The following COMMD1 variants were observed in gnomAD, a reference collection of about 807,000 sequenced individuals.
COMMD1 encodes the protein COMM domain-containing protein 1.
In COMMD1, 10 loss-of-function variants were observed where a neutral mutation model predicts 17.2. The observed-to-expected ratio is 0.58, with a 90% CI of 0.36 to 0.99. COMMD1 has a LOEUF of 0.99. Ranked by LOEUF, COMMD1 falls within the 50% of genes least tolerant of loss-of-function variation. The pLI is 0.01. For synonymous variants in COMMD1, 97 were observed against 91.6 expected (o/e 1.06, Z -0.34); for missense variants, 270 against 231.8 (o/e 1.17, Z -1.07).
chr2:61,972,986 A>G (rs914054003), intron 1 of COMMD1, among the ~76,000 whole-genome samples: 1 of 152,066 alleles, frequency 6.6e-6, no homozygotes, highest in African/African-American at 2.4e-5. Flanking sequence ...AAAATTTCAT[A>G]TAAGTAGTAT....
At chr2:62,026,749 T>G (rs1473692447) in intron 2 of COMMD1, among the ~76,000 whole-genome samples, 1 of 152,198 alleles carries the variant, frequency 6.6e-6, no homozygotes, top group Non-Finnish European at 1.5e-5. Flanking sequence ...CTGATAGTAA[T>G]CAGCCATGTC....
At chr2:61,889,971 G>T (rs1440706454) in intron 1 of COMMD1, among the ~76,000 whole-genome samples, 1 of 152,200 alleles carries the variant, frequency 6.6e-6, no homozygotes, top group Non-Finnish European at 1.5e-5. Context: ...CTGAAGCCCA[G>T]GGTAAACGAG....
At chr2:62,039,093 A>G (rs1670115000) in intron 2 of COMMD1, among the ~76,000 whole-genome samples, 1 of 152,160 alleles carries the variant, frequency 6.6e-6, no homozygotes. Context: ...GAATGCTTGC[A>G]TTTATTTCCA....
At chr2:61,955,744 G>A (rs968511954) in intron 1 of COMMD1, among the ~76,000 whole-genome samples, 3 of 152,086 alleles carry the variant, frequency 2.0e-5, no homozygotes, top group African/African-American at 4.8e-5. Flanking sequence ...GGAGTGTGAC[G>A]GCACGACCTC....
intron 2 of COMMD1, among the ~76,000 whole-genome samples, chr2:62,092,858 A>C (rs1265699510): frequency 6.6e-6 from 1 of 152,156 alleles, no homozygotes; most frequent in Non-Finnish European, 1.5e-5. Flanking sequence ...GAGCGGATCT[A>C]AGACTAAGCA....
intron 2 of COMMD1, among the ~76,000 whole-genome samples, chr2:62,086,403 G>T (rs1281817462): frequency 6.6e-6 from 1 of 150,978 alleles, no homozygotes; most frequent in Non-Finnish European, 1.5e-5. Context: ...CCCAGCTGCT[G>T]GGAAGGCTGA....
chr2:61,975,022 T>C (rs1307434940), intron 1 of COMMD1, among the ~76,000 whole-genome samples: 1 of 151,846 alleles, frequency 6.6e-6, no homozygotes, highest in African/African-American at 2.4e-5. Flanking sequence ...GGTGGAATCA[T>C]ACAATATATA....
At chr2:62,125,332 G>C (rs1244137118) in intron 2 of COMMD1, among the ~76,000 whole-genome samples, 1 of 152,146 alleles carries the variant, frequency 6.6e-6, no homozygotes, top group African/African-American at 2.4e-5. Context: ...ATCACGATAT[G>C]GGTATCTATT....
intron 2 of COMMD1, among the ~76,000 whole-genome samples, chr2:62,073,629 A>T (rs1404616668): frequency 6.6e-6 from 1 of 152,220 alleles, no homozygotes; most frequent in Non-Finnish European, 1.5e-5. Context: ...TGCCTTGGGC[A>T]TACTTTCTCA....
chr2:62,020,161 A>G (rs1047294577), intron 2 of COMMD1, among the ~76,000 whole-genome samples: 1 of 152,226 alleles, frequency 6.6e-6, no homozygotes, highest in Non-Finnish European at 1.5e-5. Flanking sequence ...TAAAGAGGCA[A>G]ATTGTTTGCC....
rs186596853 is a variant in COMMD1 at position 62,130,065 on chromosome 2, T to C, written c.463-5766T>C. On this transcript the variant is annotated intron_variant, in intron 2 of 2. Coordinates refer to ENST00000311832, the MANE Select transcript of COMMD1 (RefSeq NM_152516.4). ...TGGTGGGTGCCTGTAGTCCCAGCTA[T>C]TCAGGAGGCTGAGGCAGGAGAACGG... 3.8e-3 allele frequency among the ~76,000 whole-genome samples: 570 copies of C among 151,662 alleles called. 11 individuals are homozygous for C. Among genetic ancestry groups the C allele is most frequent in the Middle Eastern group, 6.8e-3 (2 of 294 alleles).
intron 1 of COMMD1, among the ~76,000 whole-genome samples, chr2:61,971,578 T>C (rs1261330940): frequency 1.3e-5 from 2 of 151,952 alleles, no homozygotes; most frequent in Non-Finnish European, 2.9e-5. Flanking sequence ...AATTAAAGAA[T>C]AAAAGATTAA....
At chr2:61,982,812 A>G (rs1204608690) in intron 1 of COMMD1, among the ~76,000 whole-genome samples, 1 of 152,064 alleles carries the variant, frequency 6.6e-6, no homozygotes, top group East Asian at 1.9e-4. Flanking sequence ...TGTTGATGTG[A>G]TGTTTCACAT....
intron 2 of COMMD1, among the ~76,000 whole-genome samples, chr2:62,001,488 A>G (rs1558556699): frequency 6.6e-6 from 1 of 152,216 alleles, no homozygotes; most frequent in Non-Finnish European, 1.5e-5. Flanking sequence ...AATCTTATGT[A>G]CAGTGCTTCT....
chr2:61,903,484 A>T (rs896642725), upstream of COMMD1, among the ~76,000 whole-genome samples: 1 of 151,768 alleles, frequency 6.6e-6, no homozygotes, highest in East Asian at 1.9e-4. Context: ...GATAAACATT[A>T]ATTAAAGTAG....
chr2:61,905,652 T>C, upstream of COMMD1: 1 of 1,523,124 alleles, frequency 6.6e-7, no homozygotes, highest in South Asian at 1.2e-5. Context: ...ACGGCTCAGC[T>C]GTTGCGGGGC....
intron 2 of COMMD1, among the ~76,000 whole-genome samples, chr2:62,004,184 A>C (rs1204249797): frequency 6.6e-6 from 1 of 152,216 alleles, no homozygotes; most frequent in Non-Finnish European, 1.5e-5. Context: ...TACATATGTC[A>C]AAACTTATAA....
At chr2:61,959,218 T>C (rs187702448) in intron 1 of COMMD1, among the ~76,000 whole-genome samples, 1 of 152,334 alleles carries the variant, frequency 6.6e-6, no homozygotes, top group East Asian at 1.9e-4. Context: ...TGCGTATGTA[T>C]GCATGGAAAT....
chr2:61,960,650 A>C (rs747572966), intron 1 of COMMD1, among the ~76,000 whole-genome samples: 40 of 152,028 alleles, frequency 2.6e-4, no homozygotes, highest in South Asian at 1.0e-3. Flanking sequence ...TTACACAGAC[A>C]CCTCCCTTTT....
Sources: gnomAD v4.1 joint callset for allele counts (sites outside exome capture counted in the v4.1 genomes callset) on GRCh38, gnomAD v4.1.1 for gene constraint, MANE v1.5 for transcripts, NCBI Gene and HGNC (gene_info 2026-07-23, HGNC 2026-07-21) for gene names.